Variants in ZNF341 observed in about 807,000 individuals in gnomAD.
The protein encoded by ZNF341 is zinc finger protein 341.
In ZNF341, 52 loss-of-function variants were observed where a neutral mutation model predicts 87.7. The ratio of observed to expected loss-of-function variants is 0.59; its 90% CI spans 0.47 to 0.75. The LOEUF (loss-of-function observed/expected upper bound fraction) is 0.75. Among genes scored for constraint, ZNF341 ranks in the 30% least tolerant of loss-of-function variants. ZNF341 has a pLI of 0.00. For missense variants in ZNF341, 977 were observed against 1,145.9 expected, an observed-to-expected ratio of 0.85 and a Z score of 2.13; for synonymous variants, 459 against 472.7, an observed-to-expected ratio of 0.97 and a Z score of 0.38.
At chr20:33,749,230 G>A (rs2019005946) in intron 4 of ZNF341, among the ~76,000 whole-genome samples, 158 bp downstream of exon 4, 1 of 152,224 alleles carries the variant, frequency 6.6e-6, no homozygotes, top group Non-Finnish European at 1.5e-5. Context: ...GCTATAGATG[G>A]GGAAGCTGCT....
At chr20:33,764,018 C>A (rs1276738629) in intron 8 of ZNF341, among the ~76,000 whole-genome samples, 10 of 147,412 alleles carry the variant, frequency 6.8e-5, no homozygotes, top group Admixed American at 6.8e-5. Context: ...ACCCATCTCT[C>A]TCTTTTTTTT....
chr20:33,740,256 TG>T (rs1270124178), intron 1 of ZNF341, among the ~76,000 whole-genome samples: 1 of 152,076 alleles, frequency 6.6e-6, no homozygotes, highest in Non-Finnish European at 1.5e-5. Context: ...TTCTGGGAAG[TG>T]GAAAGGAGGA....
At chr20:33,772,405 C>A (rs988272444) in intron 10 of ZNF341, among the ~76,000 whole-genome samples, 1 of 152,134 alleles carries the variant, frequency 6.6e-6, no homozygotes, top group Non-Finnish European at 1.5e-5. Flanking sequence ...GTTAATGAGG[C>A]CCCTGTAACT....
intron 4 of ZNF341, among the ~76,000 whole-genome samples, chr20:33,750,446 T>C (rs931436211): frequency 6.6e-6 from 1 of 152,088 alleles, no homozygotes; most frequent in East Asian, 1.9e-4. Flanking sequence ...CCGTGTCCTT[T>C]ATGAAATGCT....
intron 12 of ZNF341, among the ~76,000 whole-genome samples, chr20:33,784,615 CT>C (rs542593728): frequency 0.02 from 2,837 of 139,446 alleles, 39 homozygotes; most frequent in South Asian, 0.029. Context: ...ACTTTTTATT[CT>C]TTTTTTTTTT....
chr20:33,752,647 CTTTTCT>C, intron 4 of ZNF341: 1 of 213,366 alleles, frequency 4.7e-6, no homozygotes, highest in South Asian at 6.3e-5. Context: ...TGCCTATTTT[CTTTTCT>C]TTTTTTTTTT....
In ZNF341 at chr20:33,753,387, C is replaced by A. The variant is rs2019103374; in HGVS notation, c.705C>A (p.Ile235=). 1.2e-6 allele frequency: 2 copies of A among 1,607,108 alleles called. No individual in the cohort carries two copies. ...TGGCTGGGAGTGGAACGGTGGAGAT[C>A]CAGGCACTGGGGATGCAGCCCTACC... ...APLAGSGTVE[I]QALGMQPYPP... is the part of the protein sequence containing the mutation. Residue 235 remains isoleucine (I), a synonymous_variant, in exon 5 of 15, where the codon ATC becomes ATA. Coordinates refer to ENST00000375200, the MANE Select transcript of ZNF341 (RefSeq NM_001282933.2).
intron 7 of ZNF341, among the ~76,000 whole-genome samples, chr20:33,759,511 C>T (rs1405863828): frequency 1.3e-5 from 2 of 152,044 alleles, no homozygotes; most frequent in African/African-American, 2.4e-5. Context: ...CTTGAACTCC[C>T]AACCTCAGGT....
At chr20:33,775,528 G>T (rs1293643651) in intron 10 of ZNF341, among the ~76,000 whole-genome samples, 1 of 142,748 alleles carries the variant, frequency 7.0e-6, no homozygotes, top group East Asian at 2.1e-4. Flanking sequence ...TTTTTTTAAA[G>T]ATTAATTATC....
chr20:33,754,864 A>G (rs2019142691), intron 5 of ZNF341, among the ~76,000 whole-genome samples: 1 of 152,228 alleles, frequency 6.6e-6, no homozygotes, highest in African/African-American at 2.4e-5. Context: ...GTTGAGGATA[A>G]TAAGAGCCTA....
At chr20:33,737,353 G>A (rs532809897) in intron 1 of ZNF341, among the ~76,000 whole-genome samples, 3 of 151,700 alleles carry the variant, frequency 2.0e-5, no homozygotes, top group Admixed American at 1.3e-4. Flanking sequence ...ACGTAGTCTC[G>A]CTCTGTTGCC....
intron 8 of ZNF341, among the ~76,000 whole-genome samples, chr20:33,766,177 A>G (rs1423116206): frequency 6.6e-6 from 1 of 151,634 alleles, no homozygotes; most frequent in Non-Finnish European, 1.5e-5. Flanking sequence ...GAGCCACCGC[A>G]CCTGGTGATG....
chr20:33,784,996 C>T (rs901358390), intron 12 of ZNF341, among the ~76,000 whole-genome samples: 10 of 152,208 alleles, frequency 6.6e-5, no homozygotes, highest in African/African-American at 1.4e-4. Context: ...CTGAACAAAA[C>T]GCCATCTCCT....
chr20:33,773,308 G>A (rs937524598), intron 10 of ZNF341, among the ~76,000 whole-genome samples: 1 of 152,176 alleles, frequency 6.6e-6, no homozygotes, highest in Non-Finnish European at 1.5e-5. Context: ...GTTGAAGATT[G>A]AGCCCGATGC....
At chr20:33,743,750 A>G (rs985042185) in intron 2 of ZNF341, among the ~76,000 whole-genome samples, 1 of 152,262 alleles carries the variant, frequency 6.6e-6, no homozygotes, top group African/African-American at 2.4e-5. Context: ...GTGAGCGCAT[A>G]GCTGTGGTAG....
rs1289001282 is a variant in ZNF341, at chr20:33,758,746, A to G, written c.968A>G (p.Lys323Arg). 6.2e-7 allele frequency: 1 copy of G among 1,613,850 alleles called. No homozygotes were observed. Among genetic ancestry groups the G allele is most frequent in the Non-Finnish European group, 8.5e-7 (1 of 1,179,978 alleles). ...AAGKPKAQKL[K>R]CSYCDKSFTK... Reference sequence around the variant, plus strand: ...GGGAAGCCAAAGGCTCAGAAACTCAAGTGCTCATACTGTGACAAGTCATTC... The same window carrying G: ...GGGAAGCCAAAGGCTCAGAAACTCAGGTGCTCATACTGTGACAAGTCATTC... The change falls in exon 7 of 15, where the codon AAG becomes AGG. Residue 323 changes from lysine to arginine, a missense_variant. Lys to Arg is a conservative substitution (Grantham distance 26). Coordinates refer to ENST00000375200, the MANE Select transcript of ZNF341 (RefSeq NM_001282933.2).
At chr20:33,778,769 C>T (rs1283081529) in intron 10 of ZNF341, among the ~76,000 whole-genome samples, 1 of 152,250 alleles carries the variant, frequency 6.6e-6, no homozygotes, top group Non-Finnish European at 1.5e-5. Context: ...TGTTCACCTA[C>T]CTGTGACATT....
chr20:33,758,952 GT>G, intron 7 of ZNF341, 146 bp downstream of exon 7: 1 of 678,620 alleles, frequency 1.5e-6, no homozygotes, highest in Non-Finnish European at 2.5e-6. Flanking sequence ...AGGTCGGGTG[GT>G]TTTCCCTCTT....
In ZNF341 at chr20:33,753,218, C is replaced by T. The variant is rs2019097664; in HGVS notation, c.536C>T (p.Pro179Leu). The T allele has an allele frequency of 2.5e-6, 4 of 1,612,018 alleles. No individual in the cohort carries two copies. The highest frequency in any genetic ancestry group is 3.4e-6 in the Non-Finnish European group (4 of 1,179,942). Residue 179 changes from proline (P) to leucine (L), a missense_variant, in exon 5 of 15, where the codon CCA becomes CTA. By Grantham distance (98) the Pro-to-Leu change is moderately conservative (BLOSUM62 -3). Coordinates refer to ENST00000375200, the MANE Select transcript of ZNF341 (RefSeq NM_001282933.2). Reference sequence around the variant, plus strand: ...GTGCCCAGCTACCTCACCCAGCCTCCACCTCCTCCTCCACCTCCTCCACCA... The same window carrying T: ...GTGCCCAGCTACCTCACCCAGCCTCTACCTCCTCCTCCACCTCCTCCACCA... The part of the protein sequence containing the change: ...HSVPSYLTQP[P>L]PPPPPPPPLP...
Sources: allele counts gnomAD v4.1 joint callset (sites outside exome capture counted in the v4.1 genomes callset), GRCh38; gene constraint gnomAD v4.1.1; transcripts MANE v1.5; gene names NCBI Gene and HGNC (gene_info 2026-07-23, HGNC 2026-07-21).